The following GOLGA1 variants were observed in gnomAD, a reference collection of about 807,000 sequenced individuals.
GOLGA1 encodes golgin subfamily A member 1.
In GOLGA1, 63 loss-of-function variants were observed where a neutral mutation model predicts 119.7. The ratio of observed to expected loss-of-function variants is 0.53; its 90% CI spans 0.43 to 0.65. The LOEUF is 0.65. GOLGA1 is among the 30% of genes least tolerant of loss of function. The pLI is 0.00. For missense variants in GOLGA1, 798 were observed against 912.8 expected, an observed-to-expected ratio of 0.87 and a Z score of 1.62; for synonymous variants, 318 against 333.4, an observed-to-expected ratio of 0.95 and a Z score of 0.50.
intron 11 of GOLGA1, among the ~76,000 whole-genome samples, chr9:124,908,879 C>T (rs1830282302): frequency 6.6e-6 from 1 of 152,312 alleles, no homozygotes; most frequent in Non-Finnish European, 1.5e-5. Flanking sequence ...AACTACTACT[C>T]CTCAGAAGCC....
chr9:124,894,495 C>G (rs1423570838), intron 15 of GOLGA1, among the ~76,000 whole-genome samples: 1 of 152,030 alleles, frequency 6.6e-6, no homozygotes, highest in Non-Finnish European at 1.5e-5. Flanking sequence ...CTCCTGGGCT[C>G]CCAAGCAGCT....
chr9:124,913,659 T>C (rs1196817541), intron 10 of GOLGA1, among the ~76,000 whole-genome samples: 2 of 152,212 alleles, frequency 1.3e-5, no homozygotes, highest in Non-Finnish European at 1.5e-5. Context: ...TTCAATAAAC[T>C]TTCATCAAGC....
chr9:124,911,584 G>A (rs922005233), intron 11 of GOLGA1, among the ~76,000 whole-genome samples: 1 of 152,254 alleles, frequency 6.6e-6, no homozygotes, highest in Non-Finnish European at 1.5e-5. Flanking sequence ...AGTACAAAAT[G>A]GTGGGGAAGA....
intron 10 of GOLGA1, among the ~76,000 whole-genome samples, chr9:124,913,789 C>T (rs1320200544): frequency 6.6e-6 from 1 of 152,192 alleles, no homozygotes; most frequent in Non-Finnish European, 1.5e-5. Flanking sequence ...GAGGGACACA[C>T]ACCGTGCTAT....
At chr9:124,894,688 C>T (rs980078000) in intron 15 of GOLGA1, among the ~76,000 whole-genome samples, 8 of 152,112 alleles carry the variant, frequency 5.3e-5, no homozygotes, top group South Asian at 2.1e-4. Flanking sequence ...GTGAATGGTA[C>T]GTACCCTATT....
At chr9:124,889,048 C>CCACCATGT in intron 18 of GOLGA1, 95 bp downstream of exon 18, 1 of 968,106 alleles carries the variant, frequency 1.0e-6, no homozygotes, top group South Asian at 1.6e-5. Context: ...AGCGTCGTGT[C>CCACCATGT]CACCATGTGT....
chr9:124,909,608 C>CAA lies in GOLGA1; in HGVS notation c.970-1138_970-1137dup, dbSNP rs58372596. On this transcript the variant is annotated intron_variant, in intron 11 of 22. Coordinates refer to ENST00000373555, the MANE Select transcript of GOLGA1 (RefSeq NM_002077.4). The stretch of plus-strand genomic sequence containing the variant: ...TGGGCAACAGAGTGAGACTCCGTCT[C>CAA]AAAAAAAAAAAAAAAAAAAAGAAAT... Among the ~76,000 whole-genome samples, 23 of 87,232 alleles carry CAA rather than the reference C, an allele frequency of 2.6e-4. 1 individual carries two copies. Among genetic ancestry groups the CAA allele is most frequent in the South Asian group, 1.2e-3 (3 of 2,532 alleles). 57.2% of individuals were successfully genotyped at this position (87,232 alleles called of 152,430 possible).
At chr9:124,940,779 C>A (rs1010675318) in intron 1 of GOLGA1, among the ~76,000 whole-genome samples, 192 bp downstream of exon 1, 65 of 152,226 alleles carry the variant, frequency 4.3e-4, no homozygotes, top group Non-Finnish European at 6.6e-4. Context: ...AGGGAGGAAT[C>A]CCGGAACCCT....
intron 19 of GOLGA1, among the ~76,000 whole-genome samples, chr9:124,887,835 C>A (rs370247831): frequency 6.6e-6 from 1 of 152,160 alleles, no homozygotes; most frequent in African/African-American, 2.4e-5. Context: ...GTTTATAGGA[C>A]GGTTCACAAA....
At chr9:124,885,083 C>T (rs1829687616) in intron 19 of GOLGA1, among the ~76,000 whole-genome samples, 1 of 152,210 alleles carries the variant, frequency 6.6e-6, no homozygotes, top group African/African-American at 2.4e-5. Flanking sequence ...AATCCCAGCA[C>T]TTTGGGAGGC....
chr9:124,946,758 C>A lies in GOLGA1; in HGVS notation c.-156+1160G>T, dbSNP rs947473808. On this transcript the variant is annotated intron_variant, in intron 1 of 4. Transcript: ENST00000421514. This position sits in a 1 kb window ranked among gnomAD's most constrained non-coding sequence, Gnocchi z 4.0. Reference sequence around the variant, plus strand: ...CACACCATGCATCTAATATTAAAAACTCTACTTCATGTGCGAATATATCAT... The same window carrying A: ...CACACCATGCATCTAATATTAAAAAATCTACTTCATGTGCGAATATATCAT... 8 of 152,188 alleles carry A rather than the reference C, an allele frequency of 5.3e-5. No homozygotes were observed. The highest frequency in any genetic ancestry group is 2.4e-5 in the African/African-American group (1 of 41,436). 9.4% of individuals were successfully genotyped at this position (152,188 alleles called of 1,614,324 possible). A position where few individuals can be genotyped will look rare whatever the true frequency, so the allele number is the denominator to read the frequency against.
At position 124,888,215 on chromosome 9, in the gene GOLGA1, G is replaced by C; in HGVS notation, c.1905+38C>G. On this transcript the variant is annotated intron_variant, in intron 19 of 22. Transcript: ENST00000373555. The surrounding 1 kb of genome is among the most constrained non-coding windows in gnomAD (Gnocchi z 4.4). ...ATTTTAGGCCTGAGGGTGAGGACCT[G>C]GTGGAGACAGAAACAGCCATGCAAA... 4.4e-6 allele frequency: 7 copies of C among 1,602,208 alleles called. No individual in the cohort carries two copies. The highest frequency in any genetic ancestry group is 5.1e-6 in the Non-Finnish European group (6 of 1,169,422).
intron 12 of GOLGA1, among the ~76,000 whole-genome samples, chr9:124,904,983 T>A (rs928107401): frequency 1.4e-5 from 2 of 142,040 alleles, no homozygotes; most frequent in South Asian, 2.3e-4. Context: ...ATTAAAAAAA[T>A]ACAAAAAAAA....
chr9:124,898,736 G>A (rs566958594), intron 14 of GOLGA1, 92 bp from the exon 15 acceptor site: 68 of 753,260 alleles, frequency 9.0e-5, no homozygotes, highest in Middle Eastern at 2.3e-4. Flanking sequence ...GGCATAGGGA[G>A]GAACAATATA....
intron 2 of GOLGA1, among the ~76,000 whole-genome samples, chr9:124,939,154 T>C (rs990112826): frequency 6.6e-6 from 1 of 152,066 alleles, no homozygotes; most frequent in African/African-American, 2.4e-5. Context: ...TTTTTTTTTT[T>C]AATTACATGT....
rs548421524 is a variant in GOLGA1 at position 124,878,301 on chromosome 9, C to G, written c.*2229G>C. The G allele has an allele frequency of 1.8e-4, 27 of 152,308 alleles. No individual in the cohort carries two copies. Among genetic ancestry groups the G allele is most frequent in the African/African-American group, 6.5e-4 (27 of 41,558 alleles). The allele number at this position is 152,308 out of a possible 1,614,324, so 9.4% of individuals were successfully genotyped here. A position where few individuals can be genotyped will look rare whatever the true frequency, so the allele number is the denominator to read the frequency against. ...TGGCCTTGGAGTGTTAAATATGAGACACAAAATACCAGATTTAATGAGTCA... is the reference window on the plus strand; with the variant it reads ...TGGCCTTGGAGTGTTAAATATGAGAGACAAAATACCAGATTTAATGAGTCA... On this transcript the variant is annotated 3_prime_UTR_variant, in exon 23 of 23. Coordinates refer to ENST00000373555, the MANE Select transcript of GOLGA1 (RefSeq NM_002077.4).
At position 124,930,146 on chromosome 9, in the gene GOLGA1, T is replaced by C. The variant is rs560022357; in HGVS notation, c.227-856A>G. Among the ~76,000 whole-genome samples the C allele has an allele frequency of 4.3e-4, 65 of 152,292 alleles. 1 individual carries two copies. In the South Asian group the frequency reaches 0.012, roughly 29 times the overall value. ...CTGTAGGACAATACTCACCACATAG[T>C]GGGCCCAGTAAATGTCAGTGCTCTT... On this transcript the variant is annotated intron_variant, in intron 4 of 22. Coordinates refer to ENST00000373555, the MANE Select transcript of GOLGA1 (RefSeq NM_002077.4).
intron 15 of GOLGA1, among the ~76,000 whole-genome samples, chr9:124,892,647 T>C (rs1202868618): frequency 2.0e-5 from 3 of 152,084 alleles, no homozygotes; most frequent in Middle Eastern, 3.2e-3. Flanking sequence ...GAAAGTGTAT[T>C]TCAGGCTGGG....
At chr9:124,900,570 CTT>C in intron 12 of GOLGA1, 23 bp from the exon 13 acceptor site, 4 of 1,215,512 alleles carry the variant, frequency 3.3e-6, no homozygotes, top group Non-Finnish European at 4.8e-6. Context: ...CAGAAGCATT[CTT>C]TCTGTTCACA....
Sources: gnomAD v4.1 joint callset for allele counts (sites outside exome capture counted in the v4.1 genomes callset) on GRCh38, gnomAD v4.1.1 for gene constraint, Gnocchi (gnomAD v3.1) non-coding constraint, MANE v1.5 for transcripts, NCBI Gene and HGNC (gene_info 2026-07-23, HGNC 2026-07-21) for gene names.